The following FAM81A variants were observed in gnomAD, a reference collection of about 807,000 sequenced individuals.
FAM81A encodes the protein protein FAM81A.
FAM81A carries 19 observed loss-of-function variants against 46.7 expected under a neutral mutation model. The ratio of observed to expected loss-of-function variants is 0.41; its 90% CI spans 0.28 to 0.60. FAM81A has a LOEUF of 0.60. Ranked by LOEUF, FAM81A falls within the 20% of genes least tolerant of loss-of-function variation. FAM81A has a pLI of 0.34. For synonymous variants in FAM81A, 183 were observed against 152.9 expected, an observed-to-expected ratio of 1.20 and a Z score of -1.45; for missense variants, 377 against 453.5, an observed-to-expected ratio of 0.83 and a Z score of 1.53.
intron 1 of FAM81A, chr15:59,446,594 G>A (rs2081356553): frequency 6.6e-6 from 1 of 152,220 alleles, no homozygotes; most frequent in Non-Finnish European, 1.5e-5. Flanking sequence ...ATAGAATGGA[G>A]GGGAAAGAAT....
intron 2 of FAM81A, among the ~76,000 whole-genome samples, chr15:59,403,386 C>G (rs1200084610): frequency 6.6e-6 from 1 of 152,150 alleles, no homozygotes; most frequent in Non-Finnish European, 1.5e-5. Flanking sequence ...CCGAGCTCCC[C>G]CAACTCCTAA....
chr15:59,479,572 A>T (rs1326524196), intron 3 of FAM81A, among the ~76,000 whole-genome samples: 1 of 149,796 alleles, frequency 6.7e-6, no homozygotes, highest in Non-Finnish European at 1.5e-5. Context: ...TGACGTGTGA[A>T]TTGAGAATGG....
chr15:59,468,175 T>C (rs2141668906), intron 3 of FAM81A, among the ~76,000 whole-genome samples: 1 of 152,338 alleles, frequency 6.6e-6, no homozygotes, highest in East Asian at 1.9e-4. Context: ...GTCTCTTTTT[T>C]TGTTGTGTCT....
At chr15:59,457,108 T>TC (rs1375055452) in intron 1 of FAM81A, among the ~76,000 whole-genome samples, 12 of 152,092 alleles carry the variant, frequency 7.9e-5, no homozygotes, top group African/African-American at 2.7e-4. Flanking sequence ...TTTACGGTAG[T>TC]CCCCCCTTAT....
chr15:59,434,917 C>A (rs1212861270), upstream of FAM81A, among the ~76,000 whole-genome samples: 1 of 152,208 alleles, frequency 6.6e-6, no homozygotes, highest in Non-Finnish European at 1.5e-5. Flanking sequence ...TTATAGATGT[C>A]GTGTGTATCT....
At chr15:59,434,234 C>T (rs1383387673), upstream of FAM81A, among the ~76,000 whole-genome samples, 1 of 152,184 alleles carries the variant, frequency 6.6e-6, no homozygotes, top group Non-Finnish European at 1.5e-5. Context: ...TTACTCAGTG[C>T]AAAACGATGC....
chr15:59,448,771 A>C (rs1310247263), intron 1 of FAM81A, among the ~76,000 whole-genome samples: 2 of 152,108 alleles, frequency 1.3e-5, no homozygotes, highest in African/African-American at 4.8e-5. Flanking sequence ...CTGTTGCCTT[A>C]GGCTCCTGAG....
intron 3 of FAM81A, among the ~76,000 whole-genome samples, chr15:59,467,716 A>C (rs985642423): frequency 1.3e-5 from 2 of 152,168 alleles, no homozygotes; most frequent in Admixed American, 6.5e-5. Context: ...CTTTTGCCTG[A>C]TTGCCCTGGC....
rs1205784230 is a variant in FAM81A, at chr15:59,458,502, G to A, written c.-77-48G>A. 11 of 1,379,340 alleles carry A rather than the reference G, an allele frequency of 8.0e-6. No individual in the cohort carries two copies. In the African/African-American group the frequency reaches 1.0e-4, roughly 13 times the overall value. The allele number at this position is 1,379,340 out of a possible 1,614,324, so 85.4% of individuals were successfully genotyped here. On this transcript the variant is annotated intron_variant, in intron 1 of 8. Transcript: ENST00000288228. ...CTTAATAATAAGCTTTTGAGGTTAA[G>A]TTCTAGATATAAACTGTTAAATAAT...
intron 2 of FAM81A, among the ~76,000 whole-genome samples, chr15:59,425,970 A>T (rs1278977858): frequency 3.3e-5 from 5 of 152,116 alleles, no homozygotes; most frequent in Non-Finnish European, 7.4e-5. Flanking sequence ...TCATCTTCTG[A>T]TTTTGTTTGG....
chr15:59,490,169 A>G (rs2081966679), intron 3 of FAM81A, among the ~76,000 whole-genome samples: 1 of 152,204 alleles, frequency 6.6e-6, no homozygotes, highest in Non-Finnish European at 1.5e-5. Flanking sequence ...AACTAAAAGA[A>G]AACATTGGAT....
chr15:59,494,677 A>G (rs1321681842), intron 4 of FAM81A, among the ~76,000 whole-genome samples: 1 of 152,136 alleles, frequency 6.6e-6, no homozygotes, highest in African/African-American at 2.4e-5. Flanking sequence ...GATTGTTGAA[A>G]TGAATTCATG....
chr15:59,483,729 G>A (rs1345525501), intron 3 of FAM81A, among the ~76,000 whole-genome samples: 1 of 152,214 alleles, frequency 6.6e-6, no homozygotes, highest in Non-Finnish European at 1.5e-5. Flanking sequence ...TAGTGTGCCT[G>A]TCTCTAGTCT....
At chr15:59,412,948 A>G (rs2081128745) in intron 2 of FAM81A, among the ~76,000 whole-genome samples, 1 of 152,204 alleles carries the variant, frequency 6.6e-6, no homozygotes, top group African/African-American at 2.4e-5. Context: ...ATCAAAAATT[A>G]AAACGTAAGA....
At chr15:59,481,531 A>G (rs1238009900) in intron 3 of FAM81A, among the ~76,000 whole-genome samples, 1 of 152,098 alleles carries the variant, frequency 6.6e-6, no homozygotes, top group African/African-American at 2.4e-5. Context: ...CACAGCTGGA[A>G]TCATGCTCCA....
chr15:59,487,117 C>G (rs61296470), intron 3 of FAM81A, among the ~76,000 whole-genome samples: 6,566 of 143,080 alleles, frequency 0.046, 501 homozygotes, highest in African/African-American at 0.15. Context: ...ATAGAAACAA[C>G]AAAAAGTTAA....
chr15:59,511,804 C>A (rs1349268819), intron 6 of FAM81A, among the ~76,000 whole-genome samples: 8 of 152,092 alleles, frequency 5.3e-5, no homozygotes, highest in Admixed American at 2.6e-4. Flanking sequence ...GCACGTGCCA[C>A]CATGCCCAGC....
Position 59,492,308 on chromosome 15 carries a change from G to A in FAM81A, c.332G>A (p.Ser111Asn). 6.2e-7 allele frequency: 1 copy of A among 1,613,774 alleles called. No individual in the cohort carries two copies. Among genetic ancestry groups the A allele is most frequent in the Non-Finnish European group, 8.5e-7 (1 of 1,179,794 alleles). Residue 111 changes from serine (S) to asparagine (N), a missense_variant, in exon 4 of 9, where the codon AGC (serine) becomes AAC (asparagine). Physicochemically the swap from Ser to Asn is conservative, Grantham distance 46 (BLOSUM62 1). Coordinates refer to ENST00000288228, the MANE Select transcript of FAM81A (RefSeq NM_152450.3). ...CAGATTCGTGCCCGGGACAACATTAGCTATGGAACTAATTCTGCCTTAAAG... is the reference window on the plus strand; with the variant it reads ...CAGATTCGTGCCCGGGACAACATTAACTATGGAACTAATTCTGCCTTAAAG... ...QEQIRARDNISYGTNSALKTL... is the reference protein window; with the variant it reads ...QEQIRARDNINYGTNSALKTL...
chr15:59,456,483 CCTGACCTAG>C lies in FAM81A; in HGVS notation c.-77-2063_-77-2055del, dbSNP rs1434445361. ...AGCCTACTCATTCTCATCAGTTCTT[CCTGACCTAG>C]CTGCTACCCAGGAAAAATCGACCCC... On this transcript the variant is annotated intron_variant, in intron 1 of 8. Coordinates refer to ENST00000288228, the MANE Select transcript of FAM81A (RefSeq NM_152450.3). Among the ~76,000 whole-genome samples the C allele has an allele frequency of 6.6e-5, 10 of 152,284 alleles. No individual in the cohort carries two copies. In the South Asian group the frequency reaches 1.9e-3, roughly 28 times the overall value.
Sources: allele counts gnomAD v4.1 joint callset (sites outside exome capture counted in the v4.1 genomes callset), GRCh38; gene constraint gnomAD v4.1.1; transcripts MANE v1.5; gene names NCBI Gene and HGNC (gene_info 2026-07-23, HGNC 2026-07-21).